DNAH17: variants seen among roughly 807,000 people sequenced by gnomAD.
DNAH17 encodes the protein axonemal beta dynein heavy chain 17.
DNAH17 carries 376 observed loss-of-function variants against 485.6 expected under a neutral mutation model. The ratio of observed to expected loss-of-function variants is 0.77; its 90% CI spans 0.71 to 0.84. DNAH17 has a LOEUF of 0.84. Among genes scored for constraint, DNAH17 ranks in the 40% least tolerant of loss-of-function variants. The pLI is 0.00. For missense variants in DNAH17, 6,370 were observed against 5,839.3 expected, an observed-to-expected ratio of 1.09 and a Z score of -2.96; for synonymous variants, 3,031 against 2,405.9, an observed-to-expected ratio of 1.26 and a Z score of -7.60.
intron 25 of DNAH17, among the ~76,000 whole-genome samples, chr17:78,519,022 G>A (rs1335224967): frequency 6.6e-6 from 1 of 151,930 alleles, no homozygotes; most frequent in African/African-American, 2.4e-5. Flanking sequence ...CAAAAAATTA[G>A]CCGGGCGTGG....
intron 19 of DNAH17, among the ~76,000 whole-genome samples, chr17:78,534,053 G>A (rs1318044639): frequency 1.3e-5 from 2 of 152,224 alleles, no homozygotes; most frequent in African/African-American, 4.8e-5. Flanking sequence ...GCCTTTCCCA[G>A]GGCTAGGCAA....
rs34438166 is a variant in DNAH17 at position 78,459,935 on chromosome 17, C to G, written c.9502G>C (p.Val3168Leu). ...CCCCCAGGTGCGGTCAGAATCATGACGGCGGCGGTGACGTTGACCACAGCA... is the reference window on the plus strand; with the variant it reads ...CCCCCAGGTGCGGTCAGAATCATGAGGGCGGCGGTGACGTTGACCACAGCA... ...PDAVVNVTAA[V>L]MILTAPGGKI... The change falls in exon 60 of 81, where the codon GTC becomes CTC. Residue 3168 changes from valine (V) to leucine (L), a missense_variant. By Grantham distance (32) the Val-to-Leu change is conservative (BLOSUM62 1). Transcript: ENST00000389840. 135,610 of 1,613,802 alleles carry G rather than the reference C, an allele frequency of 0.084. 6,500 individuals are homozygous for G. The highest frequency in any genetic ancestry group is 0.098 in the Non-Finnish European group (115,752 of 1,179,880).
At chr17:78,450,904 G>A in intron 66 of DNAH17, 58 bp from the exon 67 acceptor site, 1 of 1,591,494 alleles carries the variant, frequency 6.3e-7, no homozygotes, top group Non-Finnish European at 8.6e-7. Flanking sequence ...CGGGCACCCG[G>A]GCCTCCCTCA....
Position 78,425,575 on chromosome 17 carries a change from C to A in DNAH17, c.12916-4G>T. On this transcript the variant is annotated splice_polypyrimidine_tract_variant and splice_region_variant and intron_variant, in intron 79 of 80. Transcript: ENST00000389840. ...CTGTCGTCCAGGCCTCGAGTTCCTG[C>A]AAGGACACACGAGCCGCTAGGAGGA... The A allele has an allele frequency of 6.3e-7, 1 of 1,597,346 alleles. No homozygotes were observed.
chr17:78,480,551 CAA>C, intron 49 of DNAH17, 131 bp downstream of exon 49: 1 of 679,042 alleles, frequency 1.5e-6, no homozygotes, highest in Non-Finnish European at 2.3e-6. Context: ...ACACATTCTG[CAA>C]AGTTAAGGAG....
At chr17:78,534,957 G>A (rs2091334936) in intron 19 of DNAH17, among the ~76,000 whole-genome samples, 1 of 152,154 alleles carries the variant, frequency 6.6e-6, no homozygotes, top group African/African-American at 2.4e-5. Context: ...AGTGGCCCTG[G>A]GACCCAGCAG....
chr17:78,423,722 G>A lies in DNAH17; in HGVS notation c.*184C>T. The A allele has an allele frequency of 2.8e-6, 2 of 726,272 alleles. No individual in the cohort carries two copies. The highest frequency in any genetic ancestry group is 4.5e-6 in the Non-Finnish European group (2 of 448,026). 45.0% of individuals were successfully genotyped at this position (726,272 alleles called of 1,614,324 possible). ...TGAGTGGCTCCACTGGCTTTAATCT[G>A]CCCCACCTCTTCCACACCAACCTCC... On this transcript the variant is annotated 3_prime_UTR_variant, in exon 81 of 81. Coordinates refer to ENST00000389840, the MANE Select transcript of DNAH17 (RefSeq NM_173628.4).
intron 54 of DNAH17, among the ~76,000 whole-genome samples, chr17:78,473,786 G>A (rs618743): frequency 0.33 from 49,953 of 151,936 alleles, 10,437 homozygotes; most frequent in African/African-American, 0.6. Context: ...GTAAACCAAC[G>A]TGATTTAGTT....
intron 74 of DNAH17, among the ~76,000 whole-genome samples, chr17:78,435,289 G>A (rs545206311): frequency 6.6e-6 from 1 of 152,124 alleles, no homozygotes; most frequent in Non-Finnish European, 1.5e-5. Context: ...GAGTCCATCC[G>A]ATCCGGTGCT....
rs201774858 is a variant in DNAH17 at position 78,475,744 on chromosome 17, G to T, written c.8244C>A (p.Thr2748=). Reference sequence around the variant, plus strand: ...GGAGCTTGTTCAGAGGAGCCATGTCGGTTACAGGAACATATTTGGGATCGC... The same window carrying T: ...GGAGCTTGTTCAGAGGAGCCATGTCTGTTACAGGAACATATTTGGGATCGC... ...GIGDPKYVPV[T]DMAPLNKLLV... Residue 2748 remains threonine (T), a synonymous_variant, in exon 53 of 81, where the codon ACC becomes ACA. Transcript: ENST00000389840. 6.2e-7 allele frequency: 1 copy of T among 1,613,864 alleles called. No individual in the cohort carries two copies. Among genetic ancestry groups the T allele is most frequent in the Non-Finnish European group, 8.5e-7 (1 of 1,179,852 alleles).
chr17:78,439,152 C>G lies in DNAH17; in HGVS notation c.11743G>C (p.Glu3915Gln). ...LHNVSLGQGQ[E>Q]VVAENALDVA... The stretch of plus-strand genomic sequence containing the variant: ...TCCAGGGCGTTCTCAGCCACCACCT[C>G]TTGTCCCTGCCCCAGGGACACATTA... Residue 3915 changes from glutamate to glutamine, a missense_variant, in exon 73 of 81, where the codon GAG becomes CAG. By Grantham distance (29) the Glu-to-Gln change is conservative (BLOSUM62 2). Coordinates refer to ENST00000389840, the MANE Select transcript of DNAH17 (RefSeq NM_173628.4). 6.2e-7 allele frequency: 1 copy of G among 1,613,714 alleles called. No individual in the cohort carries two copies.
chr17:78,486,466 C>T lies in DNAH17; in HGVS notation c.6859G>A (p.Glu2287Lys), dbSNP rs1309175614. Residue 2287 changes from glutamate (E) to lysine (K), a missense_variant, in exon 45 of 81, where the codon GAG (glutamate) becomes AAG (lysine). Coordinates refer to ENST00000389840, the MANE Select transcript of DNAH17 (RefSeq NM_173628.4). ...SWIERRKVQS[E>K]KANLMILFDK... ...AAGAGGATCATCAGGTTGGCCTTCT[C>T]CGACTGCACCTTGCGCCTCTCGATC... 1 of 1,612,990 alleles carries T rather than the reference C, an allele frequency of 6.2e-7. No homozygotes were observed. Among genetic ancestry groups the T allele is most frequent in the South Asian group, 1.1e-5 (1 of 91,034 alleles).
At position 78,525,176 on chromosome 17, in the gene DNAH17, G is replaced by A. The variant is rs999506819; in HGVS notation, c.3712-15C>T. ...CTCTTTTGTTGCTAGGGGCGGCGAG[G>A]GGGCCGTCAGTAGGGCTACCTACCC... On this transcript the variant is annotated splice_polypyrimidine_tract_variant and intron_variant, in intron 24 of 80. Coordinates refer to ENST00000389840, the MANE Select transcript of DNAH17 (RefSeq NM_173628.4). The A allele has an allele frequency of 1.5e-5, 24 of 1,609,648 alleles. No homozygotes were observed. Among genetic ancestry groups the A allele is most frequent in the Non-Finnish European group, 2.0e-5 (23 of 1,178,352 alleles).
At position 78,459,187 on chromosome 17, in the gene DNAH17, C is replaced by A. The variant is rs766458248; in HGVS notation, c.9675G>T (p.Thr3225=). ...KAFKPYQGNP[T]FDPEFIRSKS... is the part of the protein sequence containing the mutation. ...TGGAGCGGATGAACTCGGGGTCGAA[C>A]GTCGGGTTGCCTTGGTAGGGCCTAG... The change falls in exon 61 of 81, where the codon ACG becomes ACT. Residue 3225 remains threonine, a synonymous_variant. Transcript: ENST00000389840. 19 of 1,613,782 alleles carry A rather than the reference C, an allele frequency of 1.2e-5. No individual in the cohort carries two copies. Among genetic ancestry groups the A allele is most frequent in the Non-Finnish European group, 1.1e-5 (13 of 1,179,894 alleles).
At chr17:78,511,361 G>C (rs2090631714) in intron 26 of DNAH17, among the ~76,000 whole-genome samples, 1 of 152,258 alleles carries the variant, frequency 6.6e-6, no homozygotes, top group Admixed American at 6.5e-5. Flanking sequence ...GCCTGCCTCA[G>C]CCTCCCAAAG....
intron 11 of DNAH17, among the ~76,000 whole-genome samples, chr17:78,562,504 T>G (rs1382423195): frequency 6.6e-6 from 1 of 152,094 alleles, no homozygotes; most frequent in Non-Finnish European, 1.5e-5. Flanking sequence ...CGCTTATAGT[T>G]CCAGCTACTC....
intron 38 of DNAH17, 55 bp from the exon 39 acceptor site, chr17:78,495,152 C>A (rs576074785): frequency 1.1e-5 from 16 of 1,519,060 alleles, no homozygotes; most frequent in Non-Finnish European, 1.4e-5. Context: ...CCAACCTACA[C>A]CCCTGCCTGT....
chr17:78,527,137 C>T (rs373729238), intron 22 of DNAH17, 141 bp from the exon 23 acceptor site: 242 of 642,568 alleles, frequency 3.8e-4, no homozygotes, highest in African/African-American at 3.8e-3. Context: ...AATCTCAGCA[C>T]TTTGGGAGGC....
intron 68 of DNAH17, 69 bp downstream of exon 68, chr17:78,450,185 G>A: frequency 6.3e-7 from 1 of 1,579,376 alleles, no homozygotes; most frequent in Admixed American, 1.7e-5. Context: ...GTGGGCAACA[G>A]GCCTGGCTGT....
Sources: gnomAD v4.1 joint callset for allele counts (sites outside exome capture counted in the v4.1 genomes callset) on GRCh38, gnomAD v4.1.1 for gene constraint, MANE v1.5 for transcripts, NCBI Gene and HGNC (gene_info 2026-07-23, HGNC 2026-07-21) for gene names.